Variants in SNX4 observed in about 807,000 individuals in gnomAD.
SNX4 encodes the protein sorting nexin-4.
Under a neutral mutation model 70.8 loss-of-function variants are expected in SNX4, and 49 were observed. The ratio of observed to expected loss-of-function variants is 0.69; its 90% confidence interval spans 0.55 to 0.88. The LOEUF (loss-of-function observed/expected upper bound fraction) is 0.88, where lower values mean the gene tolerates loss of function less well. SNX4 is among the 40% of genes least tolerant of loss of function. SNX4 has a pLI of 0.00. For missense variants in SNX4, 528 were observed against 544.8 expected (o/e 0.97, Z 0.31); for synonymous variants, 206 against 183.8 (o/e 1.12, Z -0.98).
intron 7 of SNX4, among the ~76,000 whole-genome samples, chr3:125,478,770 G>A (rs141022166): frequency 6.6e-6 from 1 of 151,930 alleles, no homozygotes; most frequent in East Asian, 1.9e-4. Flanking sequence ...TAGAAGCAAT[G>A]TGAGGGTACG....
chr3:125,453,415 T>C (rs1003387326), intron 12 of SNX4, among the ~76,000 whole-genome samples: 2 of 152,132 alleles, frequency 1.3e-5, no homozygotes, highest in African/African-American at 4.8e-5. Flanking sequence ...TATTATGAAG[T>C]TGAAACTTTT....
At chr3:125,518,045 G>C (rs544298189) in intron 1 of SNX4, among the ~76,000 whole-genome samples, 117 of 152,036 alleles carry the variant, frequency 7.7e-4, no homozygotes, top group Non-Finnish European at 7.4e-5. Flanking sequence ...AGCATCCCTG[G>C]GTTTTCAAAT....
intron 10 of SNX4, among the ~76,000 whole-genome samples, chr3:125,458,435 C>T (rs915782181): frequency 3.9e-5 from 6 of 152,128 alleles, no homozygotes; most frequent in African/African-American, 1.2e-4. Context: ...TCCCAAAGTG[C>T]TAGGATTATA....
At chr3:125,517,763 G>A (rs988906878) in intron 1 of SNX4, among the ~76,000 whole-genome samples, 14 of 152,000 alleles carry the variant, frequency 9.2e-5, no homozygotes, top group African/African-American at 3.4e-4. Flanking sequence ...ATCGCCTGAG[G>A]TCAGGAGTTC....
chr3:125,453,728 C>A lies in SNX4; in HGVS notation c.1190+82G>T, dbSNP rs1933636526. On this transcript the variant is annotated intron_variant, in intron 12 of 13. Transcript: ENST00000251775. Reference sequence around the variant, plus strand: ...ATGCCAATGAAGCTGGGAATTGTTACCAAAATAAATAAATAAATAAATAAA... The same window carrying A: ...ATGCCAATGAAGCTGGGAATTGTTAACAAAATAAATAAATAAATAAATAAA... 5 of 1,318,484 alleles carry A rather than the reference C, an allele frequency of 3.8e-6. No homozygotes were observed. The South Asian group carries it at 5.1e-5, about 13-fold the overall frequency. 81.7% of individuals were successfully genotyped at this position (1,318,484 alleles called of 1,614,324 possible).
intron 11 of SNX4, among the ~76,000 whole-genome samples, chr3:125,456,996 G>C (rs1933734800): frequency 6.6e-6 from 1 of 151,612 alleles, no homozygotes; most frequent in South Asian, 2.1e-4. Flanking sequence ...GAAACCGGAT[G>C]ATACTGATTA....
In SNX4 at chr3:125,493,858, C is replaced by T. The variant is rs144573028; in HGVS notation, c.597+3483G>A. Among the ~76,000 whole-genome samples the T allele has an allele frequency of 2.4e-4, 36 of 151,050 alleles. 1 individual carries two copies. In the East Asian group the frequency reaches 5.3e-3, roughly 22 times the overall value. On this transcript the variant is annotated intron_variant, in intron 5 of 13. Coordinates refer to ENST00000251775, the MANE Select transcript of SNX4 (RefSeq NM_003794.4). ...CATCCTGGCTAACATGGTGAAACCC[C>T]GTCTCTACTAAAAAATACAAAACAA...
At chr3:125,503,674 A>G (rs1387453130) in intron 2 of SNX4, among the ~76,000 whole-genome samples, 3 of 152,148 alleles carry the variant, frequency 2.0e-5, no homozygotes, top group African/African-American at 7.2e-5. Flanking sequence ...CACCTGCCCA[A>G]GTTCACTTCT....
chr3:125,497,241 A>T (rs981577773), intron 5 of SNX4, 100 bp downstream of exon 5: 2 of 666,086 alleles, frequency 3.0e-6, no homozygotes, highest in Non-Finnish European at 5.2e-6. Flanking sequence ...GACGATTTCC[A>T]ACATTCATTT....
rs759790576 is a variant in SNX4, at chr3:125,504,760, T to A, written c.142-16A>T. The A allele has an allele frequency of 6.2e-7, 1 of 1,609,402 alleles. No homozygotes were observed. Among genetic ancestry groups the A allele is most frequent in the African/African-American group, 1.3e-5 (1 of 74,750 alleles). ...TGTGTGTCATCTGGACAAAAGTAAA[T>A]AAAACAACAACAACAACAAAAACCT... On this transcript the variant is annotated splice_polypyrimidine_tract_variant and intron_variant, in intron 1 of 13. Coordinates refer to ENST00000251775, the MANE Select transcript of SNX4 (RefSeq NM_003794.4).
chr3:125,473,762 C>T (rs1934231273), intron 8 of SNX4, among the ~76,000 whole-genome samples: 1 of 152,156 alleles, frequency 6.6e-6, no homozygotes, highest in Admixed American at 6.6e-5. Context: ...TTGAAGTGTT[C>T]CCTTCACTTG....
intron 13 of SNX4, among the ~76,000 whole-genome samples, chr3:125,449,911 G>T (rs1272316226): frequency 6.6e-6 from 1 of 152,106 alleles, no homozygotes; most frequent in African/African-American, 2.4e-5. Context: ...TTTGTTATCT[G>T]GTCTTTCAGA....
chr3:125,480,277 A>G lies in SNX4; in HGVS notation c.696T>C (p.Ser232=). 6.4e-7 allele frequency: 1 copy of G among 1,570,112 alleles called. No homozygotes were observed. The highest frequency in any genetic ancestry group is 8.7e-7 in the Non-Finnish European group (1 of 1,155,828). Residue 232 remains serine, a synonymous_variant, in exon 7 of 14, where the codon TCT becomes TCC. Transcript: ENST00000251775. ...TGACTCGAAGAAGATGTGAGATGAC[A>G]GACTGCAGTTCATCACTATAGTGCT... is the stretch of plus-strand genomic sequence containing the variant. ...DLKHYSDELQ[S]VISHLLRVRA... is the part of the protein sequence containing the mutation.
intron 4 of SNX4, 90 bp downstream of exon 4, chr3:125,497,744 G>T: frequency 1.1e-6 from 1 of 871,952 alleles, no homozygotes; most frequent in Non-Finnish European, 1.7e-6. Flanking sequence ...ATAAATTAAT[G>T]AAAAGATCCT....
intron 9 of SNX4, among the ~76,000 whole-genome samples, chr3:125,467,852 T>C (rs561226273): frequency 6.6e-6 from 1 of 152,332 alleles, no homozygotes; most frequent in South Asian, 2.1e-4. Context: ...GAACTTAAAA[T>C]AGAAGTACCA....
At chr3:125,514,576 C>T (rs1362437691) in intron 1 of SNX4, among the ~76,000 whole-genome samples, 1 of 152,000 alleles carries the variant, frequency 6.6e-6, no homozygotes, top group African/African-American at 2.4e-5. Flanking sequence ...ATTTCTAGTA[C>T]AGCTGGGCTT....
chr3:125,487,802 A>T (rs1934564330), intron 6 of SNX4, among the ~76,000 whole-genome samples: 1 of 151,964 alleles, frequency 6.6e-6, no homozygotes, highest in Non-Finnish European at 1.5e-5. Flanking sequence ...AAGATCAGTG[A>T]TTCCCAGGGG....
chr3:125,448,144 T>C (rs2107836529), intron 13 of SNX4, among the ~76,000 whole-genome samples: 1 of 152,152 alleles, frequency 6.6e-6, no homozygotes, highest in South Asian at 2.1e-4. Context: ...GTCTTTTTTT[T>C]TTTTTGGAGA....
At chr3:125,476,893 A>T in intron 7 of SNX4, 137 bp from the exon 8 acceptor site, 2 of 556,764 alleles carry the variant, frequency 3.6e-6, no homozygotes. Flanking sequence ...ATCTCCAAAA[A>T]TCCCATCCCC....
Sources: allele counts gnomAD v4.1 joint callset (sites outside exome capture counted in the v4.1 genomes callset), GRCh38; gene constraint gnomAD v4.1.1; transcripts MANE v1.5; gene names NCBI Gene and HGNC (gene_info 2026-07-23, HGNC 2026-07-21).